The following ROBO2 variants were observed in gnomAD, a reference collection of about 807,000 sequenced individuals.
The protein encoded by ROBO2 is roundabout homolog 2.
In ROBO2, 53 loss-of-function variants were observed where a neutral mutation model predicts 160.8. The ratio of observed to expected loss-of-function variants is 0.33; its 90% CI spans 0.26 to 0.41. ROBO2 has a LOEUF of 0.41. ROBO2 is among the 10% of genes least tolerant of loss of function. The pLI is 1.00. For synonymous variants in ROBO2, 664 were observed against 611.7 expected (o/e 1.09, Z -1.26); for missense variants, 1,577 against 1,722.4 (o/e 0.92, Z 1.49).
chr3:77,404,028 A>G (rs1053472029), intron 2 of ROBO2, among the ~76,000 whole-genome samples: 2 of 152,154 alleles, frequency 1.3e-5, no homozygotes, highest in Admixed American at 6.6e-5. Context: ...GTACACAAAT[A>G]CCATAGTTAT....
intron 2 of ROBO2, among the ~76,000 whole-genome samples, chr3:76,389,586 T>A (rs1013672133): frequency 1.3e-5 from 2 of 152,214 alleles, no homozygotes; most frequent in African/African-American, 4.8e-5. Flanking sequence ...TACTGATAAA[T>A]CTTAAATTCA....
intron 2 of ROBO2, among the ~76,000 whole-genome samples, chr3:76,447,808 T>C (rs1162122830): frequency 4.1e-5 from 6 of 145,964 alleles, no homozygotes; most frequent in African/African-American, 2.5e-5. Flanking sequence ...AACCAAGCAC[T>C]GCATTTTCTC....
chr3:76,496,758 C>T (rs1402851950), intron 2 of ROBO2, among the ~76,000 whole-genome samples: 1 of 152,138 alleles, frequency 6.6e-6, no homozygotes, highest in Non-Finnish European at 1.5e-5. Context: ...AACCCCTACC[C>T]AAAATATCAG....
chr3:77,635,978 G>A (rs1015129643), intron 24 of ROBO2, among the ~76,000 whole-genome samples: 1 of 152,128 alleles, frequency 6.6e-6, no homozygotes, highest in African/African-American at 2.4e-5. Context: ...GGTTCATAGA[G>A]GGTGCCTTTT....
intron 2 of ROBO2, among the ~76,000 whole-genome samples, chr3:77,288,861 T>C (rs893303745): frequency 3.9e-4 from 59 of 152,168 alleles, no homozygotes; most frequent in Non-Finnish European, 6.5e-4. Flanking sequence ...TCATGGAGAA[T>C]ATAATTTACC....
intron 2 of ROBO2, among the ~76,000 whole-genome samples, chr3:76,675,909 A>G (rs1267901730): frequency 1.3e-5 from 2 of 152,282 alleles, no homozygotes; most frequent in Middle Eastern, 3.4e-3. Flanking sequence ...GACCATGGAC[A>G]TATAGCTTTA....
chr3:76,853,657 G>A (rs1264099540), intron 2 of ROBO2, among the ~76,000 whole-genome samples: 1 of 152,028 alleles, frequency 6.6e-6, no homozygotes, highest in African/African-American at 2.4e-5. Context: ...TGAAGTGTAG[G>A]CAATTTGATA....
intron 2 of ROBO2, among the ~76,000 whole-genome samples, chr3:76,403,201 T>C (rs573466756): frequency 1.5e-4 from 22 of 151,710 alleles, no homozygotes; most frequent in African/African-American, 5.3e-4. Flanking sequence ...GTGTTCAGAC[T>C]TGACTACATC....
chr3:76,661,326 A>G (rs573109540), intron 2 of ROBO2, among the ~76,000 whole-genome samples: 13 of 152,296 alleles, frequency 8.5e-5, no homozygotes, highest in African/African-American at 1.7e-4. Flanking sequence ...CAATCACTAG[A>G]TTGCTGAAAA....
intron 2 of ROBO2, among the ~76,000 whole-genome samples, chr3:76,778,470 A>G (rs1039024157): frequency 1.3e-5 from 2 of 151,106 alleles, no homozygotes; most frequent in Non-Finnish European, 3.0e-5. Context: ...GTTCTTGAGT[A>G]ATTTGAAGAG....
At chr3:76,300,681 T>C (rs1412073744) in intron 2 of ROBO2, among the ~76,000 whole-genome samples, 3 of 152,084 alleles carry the variant, frequency 2.0e-5, no homozygotes, top group Non-Finnish European at 4.4e-5. Flanking sequence ...TTAAGCATAA[T>C]TATTTAAAAT....
chr3:76,205,082 A>T (rs577438923), intron 2 of ROBO2, among the ~76,000 whole-genome samples: 1 of 152,290 alleles, frequency 6.6e-6, no homozygotes, highest in South Asian at 2.1e-4. Context: ...ATAATTAGTT[A>T]AAAAACAGAC....
chr3:75,928,236 G>A (rs1189410050), intron 1 of ROBO2, among the ~76,000 whole-genome samples: 1 of 150,786 alleles, frequency 6.6e-6, no homozygotes, highest in African/African-American at 2.4e-5. Context: ...CACACGCCTC[G>A]ACCTCCCAAA....
chr3:77,259,658 T>C (rs2153329076), intron 2 of ROBO2, among the ~76,000 whole-genome samples: 1 of 152,330 alleles, frequency 6.6e-6, no homozygotes, highest in Non-Finnish European at 1.5e-5. Flanking sequence ...CCTTATTCTC[T>C]GAAAGTTTAC....
At chr3:76,766,013 G>A (rs1451216181) in intron 2 of ROBO2, among the ~76,000 whole-genome samples, 1 of 151,408 alleles carries the variant, frequency 6.6e-6, no homozygotes, top group Non-Finnish European at 1.5e-5. Context: ...TTAATCATTT[G>A]GTAATTATTA....
At chr3:76,887,237 A>G (rs76551896) in intron 2 of ROBO2, among the ~76,000 whole-genome samples, 1,828 of 109,606 alleles carry the variant, frequency 0.017, 32 homozygotes, top group African/African-American at 0.059. Flanking sequence ...GAATGACATG[A>G]TGAGAAAAGC....
intron 18 of ROBO2, among the ~76,000 whole-genome samples, chr3:77,595,534 C>A (rs1348862752): frequency 6.6e-6 from 1 of 152,110 alleles, no homozygotes. Context: ...TGTGAGTGAA[C>A]AATTACACAT....
intron 14 of ROBO2, among the ~76,000 whole-genome samples, chr3:77,576,325 A>T (rs2093761912): frequency 6.6e-6 from 1 of 152,100 alleles, no homozygotes; most frequent in South Asian, 2.1e-4. Context: ...AAAACATGGG[A>T]TATCTGCTGT....
intron 2 of ROBO2, among the ~76,000 whole-genome samples, chr3:77,170,731 A>G (rs2079554007): frequency 6.6e-6 from 1 of 152,156 alleles, no homozygotes; most frequent in Non-Finnish European, 1.5e-5. Flanking sequence ...CAAGTCTATA[A>G]TCTACATGAG....
Sources: allele counts gnomAD v4.1 joint callset (sites outside exome capture counted in the v4.1 genomes callset), GRCh38; gene constraint gnomAD v4.1.1; transcripts MANE v1.5; gene names NCBI Gene and HGNC (gene_info 2026-07-23, HGNC 2026-07-21).